Variants in DLC1 observed in about 807,000 individuals in gnomAD.
The protein encoded by DLC1 is rho GTPase-activating protein 7.
A neutral mutation model predicts 140.3 loss-of-function variants in DLC1; 54 were observed. That is an observed-to-expected ratio of 0.38 (90% confidence interval 0.31 to 0.48). DLC1 has a LOEUF of 0.48. Ranked by LOEUF, DLC1 falls within the 20% of genes least tolerant of loss-of-function variation. DLC1 has a pLI of 0.96. For synonymous variants in DLC1, 986 were observed against 728.1 expected (o/e 1.35, Z -5.70); for missense variants, 2,536 against 1,907.0 (o/e 1.33, Z -6.14).
At chr8:13,508,696 G>C (rs1802223916) in intron 1 of DLC1, among the ~76,000 whole-genome samples, 1 of 152,092 alleles carries the variant, frequency 6.6e-6, no homozygotes, top group African/African-American at 2.4e-5. Context: ...GGGATTACAG[G>C]CGTGAGCCAC....
At chr8:13,344,767 A>G (rs1260137245) in intron 4 of DLC1, among the ~76,000 whole-genome samples, 1 of 152,176 alleles carries the variant, frequency 6.6e-6, no homozygotes, top group Admixed American at 6.5e-5. Flanking sequence ...AACAATATTT[A>G]GATTTTTTTC....
intron 2 of DLC1, among the ~76,000 whole-genome samples, chr8:13,451,153 A>G (rs562780452): frequency 1.3e-4 from 19 of 151,974 alleles, no homozygotes; most frequent in Non-Finnish European, 2.2e-4. Context: ...TTGAAAAAAC[A>G]AAGATGTATA....
intron 7 of DLC1, among the ~76,000 whole-genome samples, chr8:13,108,697 G>A (rs1046197105): frequency 1.3e-5 from 2 of 152,160 alleles, no homozygotes; most frequent in Non-Finnish European, 2.9e-5. Context: ...CTCTAACTGC[G>A]TGAAATGATG....
At chr8:13,183,565 T>G (rs867090270) in intron 5 of DLC1, among the ~76,000 whole-genome samples, 2 of 152,224 alleles carry the variant, frequency 1.3e-5, no homozygotes, top group South Asian at 2.1e-4. Flanking sequence ...CTGCATCTAT[T>G]GAGATAATCA....
At chr8:13,282,398 A>G (rs1831394290) in intron 5 of DLC1, among the ~76,000 whole-genome samples, 1 of 152,192 alleles carries the variant, frequency 6.6e-6, no homozygotes, top group Admixed American at 6.5e-5. Context: ...ACTTTTTTCT[A>G]TGTCATGATT....
chr8:13,510,123 G>C lies in DLC1; in HGVS notation c.-126+4479C>G, dbSNP rs150869094. Among the ~76,000 whole-genome samples, 362 of 151,748 alleles carry C rather than the reference G, an allele frequency of 2.4e-3. 1 individual carries two copies. The highest frequency in any genetic ancestry group is 8.4e-3 in the African/African-American group (346 of 41,420). On this transcript the variant is annotated intron_variant, in intron 1 of 17. Coordinates refer to ENST00000276297, the MANE Select transcript of DLC1 (RefSeq NM_182643.3). ...TCTATGTCCATGATATTTCAATATA[G>C]ATGAGTGATTAGAACAAAATGTGAG... is the stretch of plus-strand genomic sequence containing the variant.
chr8:13,472,162 A>G (rs1476020622), intron 2 of DLC1, among the ~76,000 whole-genome samples: 3 of 152,212 alleles, frequency 2.0e-5, no homozygotes, highest in African/African-American at 7.2e-5. Flanking sequence ...TTTTTTCAGC[A>G]GGACTTATTT....
At chr8:13,281,705 A>G (rs1303876655) in intron 5 of DLC1, among the ~76,000 whole-genome samples, 1 of 152,202 alleles carries the variant, frequency 6.6e-6, no homozygotes, top group African/African-American at 2.4e-5. Flanking sequence ...GTTGGAGGGC[A>G]TAGTGTTGAA....
chr8:13,564,471 A>G (rs1267639265), intron 1 of DLC1, among the ~76,000 whole-genome samples: 1 of 152,180 alleles, frequency 6.6e-6, no homozygotes, highest in African/African-American at 2.4e-5. Context: ...AGGGTAGAAT[A>G]TTTTTGAAGG....
rs138109577 is a variant in DLC1 at position 13,092,710 on chromosome 8, G to A, written c.3642C>T (p.Ala1214=). ...TTGGGGTCATCTGGTTTTCTTTTAC[G>A]GCTGCTGTGACATCGCTCAGGAAAT... The part of the protein sequence containing the change: ...LLYFLSDVTA[A]VKENQMTPTN... The change falls in exon 13 of 18, where the codon GCC becomes GCT. Residue 1214 remains alanine (A), a synonymous_variant. Transcript: ENST00000276297. The A allele has an allele frequency of 2.6e-5, 42 of 1,613,946 alleles. No individual in the cohort carries two copies. Among genetic ancestry groups the A allele is most frequent in the Middle Eastern group, 3.3e-4 (2 of 6,084 alleles).
chr8:13,436,426 G>C (rs902909405), intron 2 of DLC1, among the ~76,000 whole-genome samples: 1 of 152,138 alleles, frequency 6.6e-6, no homozygotes, highest in Admixed American at 6.5e-5. Context: ...TCTGAAATGA[G>C]AAACCTTGTT....
intron 4 of DLC1, among the ~76,000 whole-genome samples, chr8:13,392,391 G>A (rs1040508728): frequency 3.9e-5 from 6 of 152,000 alleles, no homozygotes; most frequent in African/African-American, 1.4e-4. Flanking sequence ...ATAACACAGG[G>A]AACATAATTT....
chr8:13,564,652 C>G (rs2117389959), intron 1 of DLC1, among the ~76,000 whole-genome samples: 1 of 152,214 alleles, frequency 6.6e-6, no homozygotes, highest in South Asian at 2.1e-4. Context: ...TTTTCTCCCT[C>G]CATAGGAAAG....
intron 2 of DLC1, among the ~76,000 whole-genome samples, chr8:13,404,492 T>C (rs965534298): frequency 1.3e-5 from 2 of 152,092 alleles, no homozygotes; most frequent in African/African-American, 4.8e-5. Flanking sequence ...ATAGAAACAT[T>C]GATAGTTACA....
intron 17 of DLC1, 29 bp from the exon 18 acceptor site, chr8:13,085,960 G>C: frequency 6.2e-7 from 1 of 1,609,136 alleles, no homozygotes. Flanking sequence ...AAAAGCTGAT[G>C]AATTATTTAA....
At chr8:13,273,508 C>G (rs769879952) in intron 5 of DLC1, among the ~76,000 whole-genome samples, 2 of 152,142 alleles carry the variant, frequency 1.3e-5, no homozygotes, top group African/African-American at 2.4e-5. Flanking sequence ...TCTGATCTGT[C>G]CTTCCTCACA....
chr8:13,567,383 A>G (rs943873456), intron 1 of DLC1: 1 of 1,551,712 alleles, frequency 6.4e-7, no homozygotes, highest in Non-Finnish European at 8.7e-7. Flanking sequence ...ATGAAGATAA[A>G]TTTGATTCAT....
chr8:13,199,694 G>A (rs1827271440), intron 5 of DLC1, among the ~76,000 whole-genome samples: 1 of 152,072 alleles, frequency 6.6e-6, no homozygotes, highest in Middle Eastern at 3.2e-3. Flanking sequence ...GGTGAGGGGA[G>A]GATGTTATTT....
chr8:13,378,741 G>C (rs12675919), intron 4 of DLC1, among the ~76,000 whole-genome samples: 31,312 of 151,972 alleles, frequency 0.21, 3,801 homozygotes, highest in Admixed American at 0.26. Context: ...TCCGTTATGT[G>C]CCTAACTTAT....
Sources: allele counts gnomAD v4.1 joint callset (sites outside exome capture counted in the v4.1 genomes callset), GRCh38; gene constraint gnomAD v4.1.1; transcripts MANE v1.5; gene names NCBI Gene and HGNC (gene_info 2026-07-23, HGNC 2026-07-21).